The following PHC3 variants were observed in gnomAD, a reference collection of about 807,000 sequenced individuals.
PHC3 encodes the protein polyhomeotic homolog 3.
Under a neutral mutation model 107.4 loss-of-function variants are expected in PHC3, and 13 were observed. That is an observed-to-expected ratio of 0.12 (90% confidence interval 0.08 to 0.19). The LOEUF is 0.19. PHC3 is among the 10% of genes least tolerant of loss of function. The pLI is 1.00. For synonymous variants in PHC3, 456 were observed against 427.4 expected (o/e 1.07, Z -0.83); for missense variants, 992 against 1,210.9 (o/e 0.82, Z 2.68).
chr3:170,136,314 G>C, intron 7 of PHC3, 105 bp downstream of exon 7: 1 of 1,331,576 alleles, frequency 7.5e-7, no homozygotes, highest in Non-Finnish European at 1.0e-6. Flanking sequence ...ATTTTAAAAT[G>C]TTTTAAAGGT....
At chr3:170,113,643 C>A in intron 10 of PHC3, 124 bp from the exon 11 acceptor site, 1 of 881,804 alleles carries the variant, frequency 1.1e-6, no homozygotes, top group Non-Finnish European at 1.7e-6. Context: ...CTGATCAGAT[C>A]CATTTAGTAA....
intron 4 of PHC3, among the ~76,000 whole-genome samples, chr3:170,154,442 G>A (rs1257017900): frequency 6.6e-6 from 1 of 151,790 alleles, no homozygotes; most frequent in East Asian, 1.9e-4. Context: ...TTTTCAGTTG[G>A]TGATTCTTTC....
chr3:170,168,484 G>A (rs115739151), intron 4 of PHC3, among the ~76,000 whole-genome samples: 1,744 of 150,058 alleles, frequency 0.012, 28 homozygotes, highest in African/African-American at 0.04. Context: ...ACCACTCCAC[G>A]GCCGGGCACG....
rs140562242 is a variant in PHC3 at position 170,163,629 on chromosome 3, G to A, written c.414+7744C>T. Among the ~76,000 whole-genome samples, 458 of 151,984 alleles carry A rather than the reference G, an allele frequency of 3.0e-3. 3 individuals carry two copies. The highest frequency in any genetic ancestry group is 0.011 in the African/African-American group (438 of 41,456). On this transcript the variant is annotated intron_variant, in intron 4 of 14. Transcript: ENST00000495893. ...TGTAATCCCAGAACTTCAGGAGGCC[G>A]AAGCAGGCTGATCACCTGAGGTCAG...
At chr3:170,147,886 T>G (rs1403212040) in intron 5 of PHC3, 1 of 152,200 alleles carries the variant, frequency 6.6e-6, no homozygotes, top group Admixed American at 6.5e-5. Context: ...AGTTCAAAAA[T>G]AGCCAAATAG....
chr3:170,144,290 G>A (rs1474627035), intron 6 of PHC3, among the ~76,000 whole-genome samples: 2 of 151,462 alleles, frequency 1.3e-5, no homozygotes, highest in Non-Finnish European at 2.9e-5. Context: ...GCAGTGAGCG[G>A]AGACGGTGCC....
Position 170,173,019 on chromosome 3 carries a change from C to T in PHC3, c.181-307G>A, listed in dbSNP as rs539975721. 1.4e-4 allele frequency among the ~76,000 whole-genome samples: 21 copies of T among 151,924 alleles called. No homozygotes were observed. In the East Asian group the frequency reaches 3.7e-3, roughly 27 times the overall value. ...CATCCTGGCTAACATGGTGAAACCC[C>T]GTCTCTACTAAAAACACAAAAAATT... On this transcript the variant is annotated intron_variant, in intron 2 of 14. Transcript: ENST00000495893.
intron 4 of PHC3, among the ~76,000 whole-genome samples, chr3:170,159,001 C>T (rs1560111509): frequency 6.6e-6 from 1 of 151,578 alleles, no homozygotes; most frequent in Non-Finnish European, 1.5e-5. Context: ...CCTGTAATCC[C>T]AGCACTTTGG....
intron 4 of PHC3, among the ~76,000 whole-genome samples, chr3:170,165,191 T>C (rs562620857): frequency 6.6e-6 from 1 of 152,148 alleles, no homozygotes; most frequent in Non-Finnish European, 1.5e-5. Flanking sequence ...GGAGGCTAAA[T>C]GGGGAACCTG....
In PHC3 at chr3:170,167,617, G is replaced by A. The variant is rs185617629; in HGVS notation, c.414+3756C>T. ...TCTGCTTAAAATACAAAAATTAGCC[G>A]GGCATGGTGGCGTATGCCTGTAGTC... On this transcript the variant is annotated intron_variant, in intron 4 of 14. Transcript: ENST00000495893. Among the ~76,000 whole-genome samples, 22 of 152,112 alleles carry A rather than the reference G, an allele frequency of 1.4e-4. No homozygotes were observed. The South Asian group carries it at 2.5e-3, about 17-fold the overall frequency.
At chr3:170,102,196 C>T in intron 14 of PHC3, 1 of 985,338 alleles carries the variant, frequency 1.0e-6, no homozygotes, top group Non-Finnish European at 1.2e-6. Context: ...AGAAATCAGA[C>T]TGAAGAGAAG....
chr3:170,108,154 T>TA (rs1391732584), intron 11 of PHC3, among the ~76,000 whole-genome samples: 1 of 152,264 alleles, frequency 6.6e-6, no homozygotes, highest in South Asian at 2.1e-4. Context: ...CAAGTCATAT[T>TA]AAAAAAAGCA....
At chr3:170,162,746 A>G (rs1207492593) in intron 4 of PHC3, among the ~76,000 whole-genome samples, 1 of 152,138 alleles carries the variant, frequency 6.6e-6, no homozygotes, top group Non-Finnish European at 1.5e-5. Context: ...TTCCCAACTC[A>G]TACTTACTAA....
rs1405708047 is a variant in PHC3, at chr3:170,175,096, T to C, written c.181-2384A>G. Among the ~76,000 whole-genome samples, 8 of 152,206 alleles carry C rather than the reference T, an allele frequency of 5.3e-5. No individual in the cohort carries two copies. In the East Asian group the frequency reaches 1.5e-3, roughly 29 times the overall value. ...GATACAGCAAATTGTTCTTATTTAT[T>C]ATAAATTCTTATTCACCCAAGGAGG... On this transcript the variant is annotated intron_variant, in intron 2 of 14. Coordinates refer to ENST00000495893, the MANE Select transcript of PHC3 (RefSeq NM_024947.4).
At chr3:170,158,436 A>C (rs1466685824) in intron 4 of PHC3, among the ~76,000 whole-genome samples, 1 of 151,908 alleles carries the variant, frequency 6.6e-6, no homozygotes, top group Non-Finnish European at 1.5e-5. Context: ...CCCCATCTCC[A>C]CTAAAAATAC....
At chr3:170,150,987 C>T (rs1309552475) in intron 4 of PHC3, among the ~76,000 whole-genome samples, 6 of 151,864 alleles carry the variant, frequency 4.0e-5, no homozygotes, top group Admixed American at 2.6e-4. Context: ...CTGAGGTGGG[C>T]GGATCGCAAG....
At chr3:170,099,411 G>A (rs1560016684) in intron 14 of PHC3, among the ~76,000 whole-genome samples, 1 of 152,164 alleles carries the variant, frequency 6.6e-6, no homozygotes, top group African/African-American at 2.4e-5. Context: ...TTGGAAGCAA[G>A]TATGCTTCCA....
chr3:170,102,383 C>T (rs1161690627), intron 14 of PHC3, 96 bp downstream of exon 14: 2 of 1,521,318 alleles, frequency 1.3e-6, no homozygotes, highest in African/African-American at 1.4e-5. Flanking sequence ...CACAGTACTT[C>T]TCTAGCCCTT....
chr3:170,150,040 T>C (rs984824033), intron 4 of PHC3: 1 of 152,342 alleles, frequency 6.6e-6, no homozygotes, highest in African/African-American at 2.4e-5. Flanking sequence ...TTGATCACTA[T>C]ACATGATATA....
Sources: gnomAD v4.1 joint callset for allele counts (sites outside exome capture counted in the v4.1 genomes callset) on GRCh38, gnomAD v4.1.1 for gene constraint, MANE v1.5 for transcripts, NCBI Gene and HGNC (gene_info 2026-07-23, HGNC 2026-07-21) for gene names.